NR2F1-AS1: variants seen among roughly 807,000 people sequenced by gnomAD.
The protein encoded by NR2F1-AS1 is NR2F1 regulatory antisense RNA 1, also known as NR2F1 antisense RNA 1.
chr5:93,530,238 A>T (rs969806903), intron 4 of NR2F1-AS1, among the ~76,000 whole-genome samples: 1 of 151,912 alleles, frequency 6.6e-6, no homozygotes, highest in Non-Finnish European at 1.5e-5. Flanking sequence ...ATGCCACCAC[A>T]ACTGGATAAT....
intron 1 of NR2F1-AS1, among the ~76,000 whole-genome samples, chr5:93,574,257 G>A (rs1265338325): frequency 6.6e-6 from 1 of 152,196 alleles, no homozygotes. Flanking sequence ...GGGGGAGGAG[G>A]CACCCGACTG....
intron 4 of NR2F1-AS1, among the ~76,000 whole-genome samples, chr5:93,518,137 C>T (rs866685131): frequency 6.6e-6 from 1 of 151,974 alleles, no homozygotes; most frequent in African/African-American, 2.4e-5. Context: ...AAGACCTCCA[C>T]AATATATTAC....
intron 4 of NR2F1-AS1, among the ~76,000 whole-genome samples, chr5:93,495,449 G>A (rs1750939165): frequency 6.6e-6 from 1 of 152,100 alleles, no homozygotes; most frequent in African/African-American, 2.4e-5. Context: ...TGCAAATAGA[G>A]AGAGAACCTC....
exon 3 of NR2F1-AS1, chr5:93,554,925 T>C (rs143790243): frequency 2.5e-4 from 38 of 152,242 alleles, no homozygotes; most frequent in African/African-American, 7.9e-4. Flanking sequence ...CTCTTGCATA[T>C]GGAAATAAGG....
chr5:93,436,510 T>G (rs1352952728), intron 4 of NR2F1-AS1, among the ~76,000 whole-genome samples: 1 of 152,192 alleles, frequency 6.6e-6, no homozygotes, highest in Non-Finnish European at 1.5e-5. Context: ...TTACCTAGTC[T>G]TTTTCTAAAA....
chr5:93,537,578 G>A (rs1015623682), intron 4 of NR2F1-AS1, among the ~76,000 whole-genome samples: 4 of 151,970 alleles, frequency 2.6e-5, no homozygotes, highest in African/African-American at 9.7e-5. Flanking sequence ...TAATCAGTAG[G>A]GAAATGCATA....
chr5:93,523,138 C>T (rs1751538213), intron 4 of NR2F1-AS1, among the ~76,000 whole-genome samples: 1 of 152,144 alleles, frequency 6.6e-6, no homozygotes, highest in Non-Finnish European at 1.5e-5. Flanking sequence ...ATGAAGTCGA[C>T]CTGGGATGCT....
At chr5:93,459,697 C>A (rs975637328) in intron 4 of NR2F1-AS1, among the ~76,000 whole-genome samples, 2 of 152,082 alleles carry the variant, frequency 1.3e-5, no homozygotes, top group African/African-American at 4.8e-5. Context: ...ATTCGTCATC[C>A]ATGCAACCAG....
intron 4 of NR2F1-AS1, among the ~76,000 whole-genome samples, chr5:93,411,999 T>C (rs533490920): frequency 2.4e-4 from 37 of 152,234 alleles, no homozygotes; most frequent in African/African-American, 6.7e-4. Flanking sequence ...GGCTCTGAAC[T>C]AGCCAGGTGG....
chr5:93,546,732 C>T (rs969036314), intron 4 of NR2F1-AS1, among the ~76,000 whole-genome samples: 23 of 152,080 alleles, frequency 1.5e-4, no homozygotes, highest in African/African-American at 5.3e-4. Context: ...TGACACTAGC[C>T]ATTTCTGTGA....
chr5:93,478,538 A>G (rs1017533962), intron 4 of NR2F1-AS1, among the ~76,000 whole-genome samples: 1 of 151,902 alleles, frequency 6.6e-6, no homozygotes, highest in African/African-American at 2.4e-5. Context: ...TGAGTAGCTG[A>G]GATTACAGGT....
At position 93,429,322 on chromosome 5, in the gene NR2F1-AS1, G is replaced by A. The variant is rs377455734; in HGVS notation, n.639-33780C>T. Among the ~76,000 whole-genome samples the A allele has an allele frequency of 4.5e-4, 69 of 152,204 alleles. 1 individual carries two copies. Among genetic ancestry groups the A allele is most frequent in the African/African-American group, 1.6e-3 (65 of 41,538 alleles). ...TCCTTGCAAGGGATGACTTTACATTGCAGATTAAATAAATGACCACAGAAG... is the reference window on the plus strand; with the variant it reads ...TCCTTGCAAGGGATGACTTTACATTACAGATTAAATAAATGACCACAGAAG... On this transcript the variant is annotated intron_variant and non_coding_transcript_variant, in intron 4 of 5. Transcript: ENST00000660523.
chr5:93,522,103 AG>A (rs1335591982), intron 4 of NR2F1-AS1, among the ~76,000 whole-genome samples: 1 of 152,230 alleles, frequency 6.6e-6, no homozygotes, highest in Non-Finnish European at 1.5e-5. Context: ...AAACGAATGC[AG>A]GAACAGGAAA....
intron 4 of NR2F1-AS1, among the ~76,000 whole-genome samples, chr5:93,433,699 A>T (rs1334323241): frequency 6.6e-6 from 1 of 152,164 alleles, no homozygotes; most frequent in Non-Finnish European, 1.5e-5. Context: ...AATGCTTTTG[A>T]CTGCTTCCTT....
chr5:93,419,274 A>G (rs1304348265), intron 4 of NR2F1-AS1, among the ~76,000 whole-genome samples: 1 of 152,250 alleles, frequency 6.6e-6, no homozygotes, highest in African/African-American at 2.4e-5. Flanking sequence ...TTTGGAAAAA[A>G]TACCACTGTG....
At chr5:93,548,131 T>C (rs962790130) in intron 4 of NR2F1-AS1, among the ~76,000 whole-genome samples, 3 of 152,176 alleles carry the variant, frequency 2.0e-5, no homozygotes, top group African/African-American at 4.8e-5. Flanking sequence ...GAAGGAAATC[T>C]CCAGATATTT....
intron 4 of NR2F1-AS1, among the ~76,000 whole-genome samples, chr5:93,474,535 A>G (rs898143191): frequency 2.0e-5 from 3 of 152,180 alleles, no homozygotes; most frequent in African/African-American, 7.2e-5. Flanking sequence ...GGAGGCTGGG[A>G]AGTCTAAGAT....
intron 4 of NR2F1-AS1, among the ~76,000 whole-genome samples, chr5:93,433,623 T>C (rs994980023): frequency 1.3e-5 from 2 of 152,166 alleles, no homozygotes; most frequent in Non-Finnish European, 2.9e-5. Context: ...CATGACTGTA[T>C]AGAGATGGTA....
At chr5:93,449,288 T>C (rs375694742) in intron 4 of NR2F1-AS1, among the ~76,000 whole-genome samples, 1 of 152,154 alleles carries the variant, frequency 6.6e-6, no homozygotes, top group African/African-American at 2.4e-5. Flanking sequence ...AAGTAGACCA[T>C]ATCAAAAACT....
Sources: allele counts gnomAD v4.1 joint callset (sites outside exome capture counted in the v4.1 genomes callset), GRCh38; gene constraint gnomAD v4.1.1; transcripts MANE v1.5; gene names NCBI Gene and HGNC (gene_info 2026-07-23, HGNC 2026-07-21).